The following SPATA13 variants were observed in gnomAD, a reference collection of about 807,000 sequenced individuals.
SPATA13 encodes the protein spermatogenesis associated 13, also known as spermatogenesis-associated protein 13.
Under a neutral mutation model 104.0 loss-of-function variants are expected in SPATA13, and 50 were observed. That is an observed-to-expected ratio of 0.48 (90% confidence interval 0.38 to 0.61). The LOEUF (loss-of-function observed/expected upper bound fraction) is 0.61. Among genes scored for constraint, SPATA13 ranks in the 20% least tolerant of loss-of-function variants. The pLI, the probability that SPATA13 is intolerant of heterozygous loss-of-function variation, is 0.00. For synonymous variants in SPATA13, 606 were observed against 667.5 expected (o/e 0.91, Z 1.42); for missense variants, 1,524 against 1,690.6 (o/e 0.90, Z 1.73).
At chr13:24,185,578 T>C (rs1337255369) in intron 1 of SPATA13, among the ~76,000 whole-genome samples, 1 of 152,108 alleles carries the variant, frequency 6.6e-6, no homozygotes, top group Non-Finnish European at 1.5e-5. Context: ...TATTGATAAG[T>C]CCTTTATATG....
chr13:24,082,123 G>C lies in SPATA13; in HGVS notation c.-112+64422G>C, dbSNP rs552471407. On this transcript the variant is annotated intron_variant, in intron 3 of 14. Coordinates refer to the SPATA13 transcript ENST00000424834. Reference sequence around the variant, plus strand: ...CCGCTGCCACTTACTGCAATCTACTGTGTGCCAACCTCTATGCTAGTTGCT... The same window carrying C: ...CCGCTGCCACTTACTGCAATCTACTCTGTGCCAACCTCTATGCTAGTTGCT... Among the ~76,000 whole-genome samples, 15 of 152,344 alleles carry C rather than the reference G, an allele frequency of 9.8e-5. No individual in the cohort carries two copies. The South Asian group carries it at 2.7e-3, about 27-fold the overall frequency.
chr13:24,284,552 A>G (rs1410352752), intron 5 of SPATA13, among the ~76,000 whole-genome samples: 1 of 152,172 alleles, frequency 6.6e-6, no homozygotes, highest in African/African-American at 2.4e-5. Flanking sequence ...AAACCCAGCT[A>G]CTTGGGAGGC....
chr13:24,049,694 G>A lies in SPATA13; in HGVS notation c.-112+31993G>A, dbSNP rs113412397. On this transcript the variant is annotated intron_variant, in intron 3 of 14. Coordinates refer to the SPATA13 transcript ENST00000424834. ...GGCTACTAAAAACACGAAACTGATG[G>A]GCTGTGAAGGGAGTGGATGATCTGT... is the stretch of plus-strand genomic sequence containing the variant. Among the ~76,000 whole-genome samples, 115 of 152,206 alleles carry A rather than the reference G, an allele frequency of 7.6e-4. 2 individuals carry two copies. Among genetic ancestry groups the A allele is most frequent in the Middle Eastern group, 3.4e-3 (1 of 292 alleles).
chr13:24,167,467 G>T (rs549085331), intron 1 of SPATA13, among the ~76,000 whole-genome samples: 10 of 152,204 alleles, frequency 6.6e-5, no homozygotes, highest in African/African-American at 2.4e-4. Context: ...AGAACACGGG[G>T]CCCACAGGCC....
chr13:24,271,391 G>C (rs1360102028), intron 4 of SPATA13, among the ~76,000 whole-genome samples: 1 of 152,102 alleles, frequency 6.6e-6, no homozygotes, highest in Non-Finnish European at 1.5e-5. Flanking sequence ...AATTGAGGAT[G>C]TGTGAGGTTT....
chr13:24,000,253 T>C (rs1037136350), intron 2 of SPATA13, among the ~76,000 whole-genome samples: 3 of 152,188 alleles, frequency 2.0e-5, no homozygotes, highest in African/African-American at 4.8e-5. Context: ...AAGCCTTCAC[T>C]GAGGAAGTGT....
intron 1 of SPATA13, among the ~76,000 whole-genome samples, chr13:24,214,501 A>G (rs1380724519): frequency 6.6e-6 from 1 of 152,238 alleles, no homozygotes; most frequent in African/African-American, 2.4e-5. Flanking sequence ...AAGAAATTTT[A>G]GGATCCCATG....
intron 3 of SPATA13, among the ~76,000 whole-genome samples, chr13:24,063,807 C>T (rs868402734): frequency 5.9e-5 from 9 of 152,180 alleles, no homozygotes; most frequent in African/African-American, 1.9e-4. Flanking sequence ...TTCTCTTAGT[C>T]GCTGTCCTGA....
chr13:24,002,009 G>A (rs1043825647), intron 2 of SPATA13, among the ~76,000 whole-genome samples: 1 of 152,150 alleles, frequency 6.6e-6, no homozygotes, highest in Non-Finnish European at 1.5e-5. Flanking sequence ...GCGGGTGGGA[G>A]CAGAGGTGGA....
At chr13:24,184,698 T>C (rs1348200432) in intron 1 of SPATA13, among the ~76,000 whole-genome samples, 1 of 152,188 alleles carries the variant, frequency 6.6e-6, no homozygotes, top group East Asian at 1.9e-4. Context: ...GCTAATTTCA[T>C]GATCTCAGTT....
intron 2 of SPATA13, among the ~76,000 whole-genome samples, chr13:24,243,902 C>G (rs933893870): frequency 6.6e-6 from 1 of 152,178 alleles, no homozygotes; most frequent in African/African-American, 2.4e-5. Flanking sequence ...TAATTTTCTT[C>G]TGAATTACCT....
upstream of SPATA13, among the ~76,000 whole-genome samples, chr13:24,156,149 T>C (rs1882251253): frequency 6.6e-6 from 1 of 152,238 alleles, no homozygotes; most frequent in Non-Finnish European, 1.5e-5. Flanking sequence ...AAAGTGGGTG[T>C]ACAAATATCT....
At position 24,294,880 on chromosome 13, in the gene SPATA13, G is replaced by T. The variant is rs1566200445; in HGVS notation, c.3210+12G>T. On this transcript the variant is annotated intron_variant, in intron 10 of 12. Transcript: ENST00000382108. ...TCGTGGGCTGGGAGGTAAGTGGAAA[G>T]CACCCCACATGATCCCATGCCACTC... 2 of 1,599,928 alleles carry T rather than the reference G, an allele frequency of 1.3e-6. No homozygotes were observed. The highest frequency in any genetic ancestry group is 3.3e-5 in the Admixed American group (2 of 59,824).
At chr13:24,262,975 G>A (rs1874130758) in intron 4 of SPATA13, among the ~76,000 whole-genome samples, 1 of 151,994 alleles carries the variant, frequency 6.6e-6, no homozygotes, top group Non-Finnish European at 1.5e-5. Flanking sequence ...AAAGAAACTT[G>A]ACTGGGTCTT....
intron 4 of SPATA13, among the ~76,000 whole-genome samples, chr13:24,257,376 C>G (rs1251679415): frequency 3.3e-5 from 5 of 152,178 alleles, no homozygotes. Flanking sequence ...GATACCTGGT[C>G]TGTTACATTT....
At chr13:24,079,964 A>G (rs1276161670) in intron 3 of SPATA13, among the ~76,000 whole-genome samples, 2 of 152,200 alleles carry the variant, frequency 1.3e-5, no homozygotes, top group African/African-American at 4.8e-5. Context: ...GTCTAACAGC[A>G]TTTCTTGCTT....
intron 3 of SPATA13, chr13:24,034,193 G>A (rs1268332479): frequency 6.6e-6 from 1 of 152,162 alleles, no homozygotes; most frequent in Non-Finnish European, 1.5e-5. Flanking sequence ...TTATGGTCTT[G>A]GGCAAGAAGG....
At chr13:24,043,546 A>T (rs2137731903) in intron 3 of SPATA13, among the ~76,000 whole-genome samples, 1 of 152,252 alleles carries the variant, frequency 6.6e-6, no homozygotes, top group South Asian at 2.1e-4. Flanking sequence ...CAGAGTCTTG[A>T]GCTCACTGGT....
chr13:24,172,572 G>T (rs1240991274), intron 1 of SPATA13, among the ~76,000 whole-genome samples: 1 of 152,186 alleles, frequency 6.6e-6, no homozygotes, highest in African/African-American at 2.4e-5. Flanking sequence ...TTCTTGGCCT[G>T]TAGATGTCTA....
Sources: allele counts gnomAD v4.1 joint callset (sites outside exome capture counted in the v4.1 genomes callset), GRCh38; gene constraint gnomAD v4.1.1; transcripts MANE v1.5; gene names NCBI Gene and HGNC (gene_info 2026-07-23, HGNC 2026-07-21).